LYN: variants seen among roughly 807,000 people sequenced by gnomAD.
LYN encodes the protein tyrosine-protein kinase Lyn.
LYN carries 12 observed loss-of-function variants against 65.0 expected under a neutral mutation model. That is an observed-to-expected ratio of 0.18 (90% CI 0.12 to 0.30). The LOEUF (loss-of-function observed/expected upper bound fraction) is 0.30, where lower values mean the gene tolerates loss of function less well. Among genes scored for constraint, LYN ranks in the 10% least tolerant of loss-of-function variants. The probability of loss-of-function intolerance (pLI) is 1.00; values close to 1 mark genes in which losing one functional copy is unlikely to be tolerated. For synonymous variants in LYN, 222 were observed against 221.2 expected, an observed-to-expected ratio of 1.00 and a Z score of -0.03; for missense variants, 380 against 623.2, an observed-to-expected ratio of 0.61 and a Z score of 4.16.
At chr8:55,917,293 G>C (rs573698148) in intron 1 of LYN, among the ~76,000 whole-genome samples, 4 of 151,980 alleles carry the variant, frequency 2.6e-5, no homozygotes, top group Non-Finnish European at 5.9e-5. Flanking sequence ...TCATGTGATC[G>C]TCCCGCCTCA....
intron 1 of LYN, among the ~76,000 whole-genome samples, chr8:55,939,577 T>A (rs1354702870): frequency 1.3e-5 from 2 of 151,988 alleles, no homozygotes; most frequent in African/African-American, 4.8e-5. Context: ...GTGGCACAGC[T>A]CAGTCAGGGC....
rs79842493 is a variant in LYN at position 55,949,638 on chromosome 8, G to A, written c.285-821G>A. 1.9e-3 allele frequency among the ~76,000 whole-genome samples: 282 copies of A among 152,254 alleles called. 1 individual carries two copies. The highest frequency in any genetic ancestry group is 5.2e-3 in the African/African-American group (217 of 41,546). Reference sequence around the variant, plus strand: ...TTTGATACATGTATGCAGTGTGTACGGATCAAGTCAGCGTAATTAGCATAT... The same window carrying A: ...TTTGATACATGTATGCAGTGTGTACAGATCAAGTCAGCGTAATTAGCATAT... On this transcript the variant is annotated intron_variant, in intron 4 of 12. Coordinates refer to ENST00000519728, the MANE Select transcript of LYN (RefSeq NM_002350.4).
intron 12 of LYN, among the ~76,000 whole-genome samples, chr8:56,004,435 A>G (rs1808621068): frequency 6.6e-6 from 1 of 151,624 alleles, no homozygotes; most frequent in Non-Finnish European, 1.5e-5. Flanking sequence ...CTGGGACTAC[A>G]GGTGTGCACC....
At chr8:55,883,755 C>T (rs182255683) in intron 1 of LYN, among the ~76,000 whole-genome samples, 1 of 152,276 alleles carries the variant, frequency 6.6e-6, no homozygotes, top group Admixed American at 6.5e-5. Context: ...TTTTGAGCAC[C>T]TGCTGTGTGC....
At chr8:55,999,301 C>G in intron 11 of LYN, 117 bp from the exon 12 acceptor site, 1 of 825,140 alleles carries the variant, frequency 1.2e-6, no homozygotes, top group Non-Finnish European at 2.0e-6. Context: ...GCCTGGGTGA[C>G]AAGAGTGAAA....
intron 10 of LYN, 58 bp from the exon 11 acceptor site, chr8:55,998,288 T>C (rs1808431839): frequency 4.2e-6 from 6 of 1,412,576 alleles, no homozygotes; most frequent in African/African-American, 1.4e-5. Context: ...TTTTCCTTGA[T>C]GGCACTTTCC....
chr8:55,962,953 C>G (rs980845533), intron 8 of LYN, among the ~76,000 whole-genome samples: 1 of 152,188 alleles, frequency 6.6e-6, no homozygotes, highest in Admixed American at 6.5e-5. Flanking sequence ...TTTTAGACAA[C>G]CAGCTCTCTT....
chr8:55,970,656 G>A (rs752141410), intron 10 of LYN, among the ~76,000 whole-genome samples: 29 of 151,902 alleles, frequency 1.9e-4, no homozygotes, highest in African/African-American at 2.4e-4. Context: ...AAATTGCTAC[G>A]GCCTTCTTGG....
At chr8:55,975,507 T>C (rs1807728121) in intron 10 of LYN, among the ~76,000 whole-genome samples, 1 of 152,220 alleles carries the variant, frequency 6.6e-6, no homozygotes, top group Non-Finnish European at 1.5e-5. Context: ...CAACTAATGA[T>C]TCTGAGGCTA....
chr8:55,884,415 A>T (rs566199969), intron 1 of LYN, among the ~76,000 whole-genome samples: 17 of 151,156 alleles, frequency 1.1e-4, no homozygotes, highest in Non-Finnish European at 1.8e-4. Context: ...TTTCTGGGGT[A>T]TATTTGGCTT....
At chr8:55,887,938 T>C (rs76988198) in intron 1 of LYN, among the ~76,000 whole-genome samples, 2,113 of 152,024 alleles carry the variant, frequency 0.014, 40 homozygotes, top group African/African-American at 0.048. Context: ...CGGCAGGATA[T>C]AAGGAGCAAT....
intron 1 of LYN, among the ~76,000 whole-genome samples, chr8:55,936,669 G>A (rs994970057): frequency 1.3e-5 from 2 of 152,076 alleles, no homozygotes; most frequent in African/African-American, 4.8e-5. Flanking sequence ...AAGAAGTGCA[G>A]CTTTTAGATA....
At chr8:55,981,266 T>G (rs1465826591) in intron 10 of LYN, among the ~76,000 whole-genome samples, 1 of 152,184 alleles carries the variant, frequency 6.6e-6, no homozygotes, top group African/African-American at 2.4e-5. Context: ...CTCCTCAGTC[T>G]CGGTCCCCGC....
At chr8:55,939,588 T>TC (rs1280671328) in intron 1 of LYN, among the ~76,000 whole-genome samples, 1 of 152,070 alleles carries the variant, frequency 6.6e-6, no homozygotes, top group Non-Finnish European at 1.5e-5. Context: ...CAGTCAGGGC[T>TC]CGGTCCGTGC....
intron 1 of LYN, among the ~76,000 whole-genome samples, chr8:55,887,859 C>T (rs377591853): frequency 3.3e-5 from 5 of 152,086 alleles, no homozygotes; most frequent in Non-Finnish European, 5.9e-5. Flanking sequence ...ATCCGGCTGC[C>T]TCAGCCTCCC....
chr8:55,907,975 G>C (rs946545440), intron 1 of LYN, among the ~76,000 whole-genome samples: 2 of 152,058 alleles, frequency 1.3e-5, no homozygotes, highest in African/African-American at 4.8e-5. Context: ...TATTACCTTA[G>C]CAGATTGTAA....
chr8:55,946,417 A>T (rs1563523125), intron 2 of LYN, 31 bp from the exon 3 acceptor site: 1 of 1,500,368 alleles, frequency 6.7e-7, no homozygotes, highest in Admixed American at 1.8e-5. Flanking sequence ...GCTAAACAGA[A>T]TTTTTTTTTC....
chr8:55,939,207 AGT>A (rs1806525901), intron 1 of LYN, among the ~76,000 whole-genome samples: 1 of 152,050 alleles, frequency 6.6e-6, no homozygotes, highest in Non-Finnish European at 1.5e-5. Flanking sequence ...CTGGTGGGAG[AGT>A]GTCTGAATGG....
At chr8:55,981,296 T>C (rs1807912566) in intron 10 of LYN, among the ~76,000 whole-genome samples, 1 of 152,200 alleles carries the variant, frequency 6.6e-6, no homozygotes, top group Non-Finnish European at 1.5e-5. Flanking sequence ...CCATAGCGTG[T>C]ACTGCAATTT....
Sources: allele counts gnomAD v4.1 joint callset (sites outside exome capture counted in the v4.1 genomes callset), GRCh38; gene constraint gnomAD v4.1.1; transcripts MANE v1.5; gene names NCBI Gene and HGNC (gene_info 2026-07-23, HGNC 2026-07-21).